Variants in TMEM108 observed in about 807,000 individuals in gnomAD.
The protein encoded by TMEM108 is transmembrane protein 108.
Under a neutral mutation model 35.1 loss-of-function variants are expected in TMEM108, and 12 were observed. That is an observed-to-expected ratio of 0.34 (90% CI 0.22 to 0.55). TMEM108 has a LOEUF of 0.55. Among genes scored for constraint, TMEM108 ranks in the 20% least tolerant of loss-of-function variants. TMEM108 has a pLI of 0.89. For synonymous variants in TMEM108, 287 were observed against 308.6 expected, an observed-to-expected ratio of 0.93 and a Z score of 0.73; for missense variants, 680 against 753.3, an observed-to-expected ratio of 0.90 and a Z score of 1.14.
chr3:133,192,998 A>G (rs116818973), intron 2 of TMEM108, among the ~76,000 whole-genome samples: 2,603 of 152,238 alleles, frequency 0.017, 97 homozygotes, highest in African/African-American at 0.059. Flanking sequence ...AATCCATGAG[A>G]AATCTTTTTC....
At chr3:133,103,604 A>G (rs973535970) in intron 2 of TMEM108, among the ~76,000 whole-genome samples, 10 of 152,276 alleles carry the variant, frequency 6.6e-5, no homozygotes, top group African/African-American at 2.2e-4. Flanking sequence ...AAAATGTTAG[A>G]TCACCTCAGG....
At chr3:133,146,149 T>C (rs959347014) in intron 2 of TMEM108, among the ~76,000 whole-genome samples, 3 of 152,222 alleles carry the variant, frequency 2.0e-5, no homozygotes, top group African/African-American at 7.2e-5. Context: ...CATCAATACC[T>C]AGTTTATTGA....
At chr3:133,244,548 A>G (rs1946358511) in intron 3 of TMEM108, among the ~76,000 whole-genome samples, 1 of 152,214 alleles carries the variant, frequency 6.6e-6, no homozygotes. Flanking sequence ...ATGTAGTCCC[A>G]TGGGCCTCTC....
At chr3:133,143,261 G>A (rs1944665414) in intron 2 of TMEM108, among the ~76,000 whole-genome samples, 2 of 152,060 alleles carry the variant, frequency 1.3e-5, no homozygotes, top group Admixed American at 1.3e-4. Context: ...AAATTACTTA[G>A]ATATATTCAG....
intron 3 of TMEM108, among the ~76,000 whole-genome samples, chr3:133,250,784 A>T (rs1290114420): frequency 6.6e-6 from 1 of 152,238 alleles, no homozygotes; most frequent in African/African-American, 2.4e-5. Flanking sequence ...AGTAGCAAAT[A>T]TAATAATTTA....
intron 3 of TMEM108, among the ~76,000 whole-genome samples, chr3:133,295,368 C>CT (rs1284944966): frequency 6.6e-6 from 1 of 152,156 alleles, no homozygotes; most frequent in African/African-American, 2.4e-5. Flanking sequence ...TCACCATCGT[C>CT]TAGCATGTGG....
chr3:133,292,521 A>G lies in TMEM108; in HGVS notation c.40+63170A>G, dbSNP rs1947086548. On this transcript the variant is annotated intron_variant, in intron 3 of 5. Coordinates refer to ENST00000321871, the MANE Select transcript of TMEM108 (RefSeq NM_023943.4). ...ATTGTCATCATAAGAGAAATAAACA[A>G]CATGCGTGGAACTTGGAATTCTGCT... 2.6e-5 allele frequency among the ~76,000 whole-genome samples: 4 copies of G among 152,226 alleles called. No individual in the cohort carries two copies. The South Asian group carries it at 6.2e-4, about 24-fold the overall frequency.
chr3:133,077,497 T>C (rs1434139023), intron 2 of TMEM108, among the ~76,000 whole-genome samples: 1 of 152,032 alleles, frequency 6.6e-6, no homozygotes, highest in Non-Finnish European at 1.5e-5. Flanking sequence ...CCCAGGAAGG[T>C]CAGCACTCTG....
chr3:133,105,394 G>C (rs1285038300), intron 2 of TMEM108, among the ~76,000 whole-genome samples: 1 of 152,062 alleles, frequency 6.6e-6, no homozygotes. Flanking sequence ...CTTCCCTTCT[G>C]CCTCGTCTTT....
chr3:133,321,077 T>C (rs1164842173), intron 3 of TMEM108, among the ~76,000 whole-genome samples: 4 of 152,104 alleles, frequency 2.6e-5, no homozygotes, highest in Non-Finnish European at 5.9e-5. Flanking sequence ...TCTTAAAGCA[T>C]AAATCTCACA....
intron 3 of TMEM108, among the ~76,000 whole-genome samples, chr3:133,331,975 C>T (rs913567300): frequency 1.2e-4 from 18 of 152,232 alleles, no homozygotes; most frequent in African/African-American, 4.3e-4. Context: ...ACTTAGGGGA[C>T]TGCAACCTTG....
chr3:133,243,678 G>A (rs1009700874), intron 3 of TMEM108, among the ~76,000 whole-genome samples: 1 of 151,970 alleles, frequency 6.6e-6, no homozygotes, highest in Non-Finnish European at 1.5e-5. Flanking sequence ...CTGCCACCAC[G>A]CCCGGCTAAT....
chr3:133,157,295 T>C (rs1308586628), intron 2 of TMEM108, among the ~76,000 whole-genome samples: 1 of 152,230 alleles, frequency 6.6e-6, no homozygotes, highest in African/African-American at 2.4e-5. Flanking sequence ...TGGGCTTTTC[T>C]GTCTACTTCT....
rs150650282 is a variant in TMEM108, at chr3:133,093,287, G to A, written c.-47+47267G>A. ...ATTACAGGCGTGAGCCACCGCGCCCGGTCATAGGTAAGGATTTGAAAAGTT... is the reference window on the plus strand; with the variant it reads ...ATTACAGGCGTGAGCCACCGCGCCCAGTCATAGGTAAGGATTTGAAAAGTT... On this transcript the variant is annotated intron_variant, in intron 2 of 5. Transcript: ENST00000321871. Among the ~76,000 whole-genome samples, 1,342 of 152,268 alleles carry A rather than the reference G, an allele frequency of 8.8e-3. 23 individuals are homozygous for A. Among genetic ancestry groups the A allele is most frequent in the African/African-American group, 0.031 (1,280 of 41,570 alleles).
chr3:133,291,264 T>G (rs1947064846), intron 3 of TMEM108, among the ~76,000 whole-genome samples: 1 of 151,962 alleles, frequency 6.6e-6, no homozygotes, highest in South Asian at 2.1e-4. Flanking sequence ...TGGAGTTTTT[T>G]TTTTTCTGTT....
chr3:133,276,409 C>G lies in TMEM108; in HGVS notation c.40+47058C>G, dbSNP rs1313089273. On this transcript the variant is annotated intron_variant, in intron 3 of 5. Coordinates refer to ENST00000321871, the MANE Select transcript of TMEM108 (RefSeq NM_023943.4). ...GAATGGAAATCTGGTTGTTTTGATT[C>G]TAGAATCCAAAAAATTAGGAATGAC... Among the ~76,000 whole-genome samples the G allele has an allele frequency of 2.6e-5, 4 of 152,126 alleles. No individual in the cohort carries two copies. The East Asian group carries it at 7.7e-4, about 29-fold the overall frequency.
At chr3:133,176,628 A>T (rs966617343) in intron 2 of TMEM108, among the ~76,000 whole-genome samples, 1 of 151,266 alleles carries the variant, frequency 6.6e-6, no homozygotes, top group African/African-American at 2.4e-5. Context: ...ACGAGAACAA[A>T]GACACAACAT....
At chr3:133,069,718 A>G (rs1576302229) in intron 2 of TMEM108, among the ~76,000 whole-genome samples, 1 of 152,016 alleles carries the variant, frequency 6.6e-6, no homozygotes, top group Non-Finnish European at 1.5e-5. Flanking sequence ...TTAAGACTTT[A>G]TATTTACCCA....
At chr3:133,112,303 G>A (rs1488115825) in intron 2 of TMEM108, among the ~76,000 whole-genome samples, 1 of 152,070 alleles carries the variant, frequency 6.6e-6, no homozygotes, top group Non-Finnish European at 1.5e-5. Context: ...ATGTATCAGT[G>A]ACCCTTACTC....
Sources: gnomAD v4.1 joint callset for allele counts (sites outside exome capture counted in the v4.1 genomes callset) on GRCh38, gnomAD v4.1.1 for gene constraint, MANE v1.5 for transcripts, NCBI Gene and HGNC (gene_info 2026-07-23, HGNC 2026-07-21) for gene names.